Variants in RIN3 observed in about 807,000 individuals in gnomAD.
The protein encoded by RIN3 is Ras and Rab interactor 3.
Under a neutral mutation model 76.3 loss-of-function variants are expected in RIN3, and 54 were observed. That is an observed-to-expected ratio of 0.71 (90% CI 0.57 to 0.89). The LOEUF (loss-of-function observed/expected upper bound fraction) is 0.89, where lower values mean the gene tolerates loss of function less well. RIN3 is among the 40% of genes least tolerant of loss of function. RIN3 has a pLI of 0.00. For missense variants in RIN3, 1,256 were observed against 1,322.1 expected (o/e 0.95, Z 0.78); for synonymous variants, 576 against 564.0 (o/e 1.02, Z -0.30).
chr14:92,610,215 C>T (rs565774562), intron 3 of RIN3, among the ~76,000 whole-genome samples: 1 of 151,994 alleles, frequency 6.6e-6, no homozygotes, highest in Non-Finnish European at 1.5e-5. Flanking sequence ...CTGAACTGTA[C>T]ACTTAAAAAT....
At chr14:92,576,202 G>A (rs1313248035) in intron 2 of RIN3, 5 of 1,247,300 alleles carry the variant, frequency 4.0e-6, no homozygotes, top group African/African-American at 1.5e-5. Context: ...AAGGAGGGAT[G>A]AGCTTGCTGA....
intron 2 of RIN3, among the ~76,000 whole-genome samples, chr14:92,575,457 A>G (rs1010408243): frequency 3.9e-5 from 6 of 152,190 alleles, no homozygotes; most frequent in Non-Finnish European, 8.8e-5. Flanking sequence ...ATCCTGGTAC[A>G]CTGTCTCATA....
intron 8 of RIN3, among the ~76,000 whole-genome samples, chr14:92,684,321 A>G (rs1305654595): frequency 6.8e-6 from 1 of 147,932 alleles, no homozygotes; most frequent in Non-Finnish European, 1.5e-5. Context: ...TGCAGGTTGC[A>G]GTGAGCCGAG....
At chr14:92,653,613 GCCCC>G (rs1887554572) in intron 6 of RIN3, among the ~76,000 whole-genome samples, 1 of 152,138 alleles carries the variant, frequency 6.6e-6, no homozygotes, top group Non-Finnish European at 1.5e-5. Context: ...TTCTAAAGTA[GCCCC>G]TAGCCTTCCC....
intron 7 of RIN3, among the ~76,000 whole-genome samples, chr14:92,666,321 A>G (rs1391809778): frequency 6.6e-6 from 1 of 152,224 alleles, no homozygotes; most frequent in East Asian, 1.9e-4. Context: ...ATGGAGACAC[A>G]AGATCTGGGT....
chr14:92,676,583 ACCCC>A lies in RIN3; in HGVS notation c.2445_2448del (p.Asp815GlufsTer12). The A allele has an allele frequency of 6.2e-7, 1 of 1,613,512 alleles. No homozygotes were observed. ...GTGGAGTACATGATGGAGCTCATGGACCCCGCCCTGCAGCTGGGGGAGGGTGAGT... is the reference window on the plus strand; with the variant it reads ...GTGGAGTACATGATGGAGCTCATGGAGCCCTGCAGCTGGGGGAGGGTGAGT... On this transcript the variant is annotated frameshift_variant, in exon 8 of 10. Transcript: ENST00000216487. LOFTEE classifies it high-confidence loss of function.
At chr14:92,575,052 G>T (rs1898180316) in intron 2 of RIN3, among the ~76,000 whole-genome samples, 1 of 152,192 alleles carries the variant, frequency 6.6e-6, no homozygotes, top group African/African-American at 2.4e-5. Context: ...AGAATTAAGT[G>T]AGATCATAGA....
intron 8 of RIN3, among the ~76,000 whole-genome samples, chr14:92,682,451 C>T (rs1444243118): frequency 1.3e-5 from 2 of 152,214 alleles, no homozygotes; most frequent in African/African-American, 2.4e-5. Context: ...GAAGTCCAGG[C>T]GAAGCACCTA....
At chr14:92,687,514 G>C in intron 9 of RIN3, 1 of 200,758 alleles carries the variant, frequency 5.0e-6, no homozygotes, top group Non-Finnish European at 1.0e-5. Context: ...ACTATGGGAT[G>C]CCCGGGCGGG....
intron 8 of RIN3, among the ~76,000 whole-genome samples, chr14:92,676,956 A>T (rs918545557): frequency 3.3e-5 from 5 of 152,064 alleles, no homozygotes; most frequent in African/African-American, 1.2e-4. Context: ...GAGCCAGCTG[A>T]TTAAAAAAAA....
At position 92,605,922 on chromosome 14, in the gene RIN3, A is replaced by G. The variant is rs139498572; in HGVS notation, c.368-9485A>G. 3.7e-3 allele frequency among the ~76,000 whole-genome samples: 561 copies of G among 152,352 alleles called. 10 individuals are homozygous for G. Among genetic ancestry groups the G allele is most frequent in the East Asian group, 2.1e-3 (11 of 5,192 alleles). ...TGGGAATGGCCCTATTGAATCATTTATGTAACACCCATTATGTGCCTACTA... is the reference window on the plus strand; with the variant it reads ...TGGGAATGGCCCTATTGAATCATTTGTGTAACACCCATTATGTGCCTACTA... On this transcript the variant is annotated intron_variant, in intron 3 of 9. Transcript: ENST00000216487.
In RIN3 at chr14:92,611,290, CCTT is replaced by C. The variant is rs539783457; in HGVS notation, c.368-4113_368-4111del. ...GTCTGTGTCCCATGCCCTCACATGA[CCTT>C]CTTTTTTTTTGGAGACAGAGTCTCG... On this transcript the variant is annotated intron_variant, in intron 3 of 9. Transcript: ENST00000216487. Among the ~76,000 whole-genome samples, 50 of 112,078 alleles carry C rather than the reference CCTT, an allele frequency of 4.5e-4. 1 individual carries two copies. Among genetic ancestry groups the C allele is most frequent in the Admixed American group, 2.9e-3 (27 of 9,456 alleles). 73.5% of individuals were successfully genotyped at this position (112,078 alleles called of 152,430 possible).
rs192042254 is a variant in RIN3 at position 92,545,992 on chromosome 14, C to T, written c.45-9759C>T. Reference sequence around the variant, plus strand: ...CCAGGCCGGAGTGCAGTGGCATGATCTCGGCTCACTGCAACCTCTGCTTCC... The same window carrying T: ...CCAGGCCGGAGTGCAGTGGCATGATTTCGGCTCACTGCAACCTCTGCTTCC... On this transcript the variant is annotated intron_variant, in intron 1 of 9. Coordinates refer to ENST00000216487, the MANE Select transcript of RIN3 (RefSeq NM_024832.5). Among the ~76,000 whole-genome samples the T allele has an allele frequency of 2.6e-5, 4 of 151,552 alleles. No homozygotes were observed. In the East Asian group the frequency reaches 7.8e-4, roughly 29 times the overall value.
In RIN3 at chr14:92,656,895, A is replaced by G. The variant is rs1042828859; in HGVS notation, c.2027-2266A>G. ...TGTCATGCCCAAGAAGCCACAGCTC[A>G]GAGAGGTTTGGTGACCTGGCCATGA... On this transcript the variant is annotated intron_variant, in intron 6 of 9. Coordinates refer to ENST00000216487, the MANE Select transcript of RIN3 (RefSeq NM_024832.5). This position sits in a 1 kb window ranked among gnomAD's most constrained non-coding sequence, Gnocchi z 5.2. Among the ~76,000 whole-genome samples the G allele has an allele frequency of 1.3e-5, 2 of 152,230 alleles. No individual in the cohort carries two copies. Among genetic ancestry groups the G allele is most frequent in the Non-Finnish European group, 2.9e-5 (2 of 68,044 alleles).
intron 3 of RIN3, among the ~76,000 whole-genome samples, chr14:92,614,402 G>A (rs1471969025): frequency 1.3e-5 from 2 of 152,176 alleles, no homozygotes; most frequent in Admixed American, 6.5e-5. Context: ...TGCTTGGGAT[G>A]ACTGTGATCT....
At chr14:92,632,117 G>A (rs754464121) in intron 4 of RIN3, among the ~76,000 whole-genome samples, 8 of 152,084 alleles carry the variant, frequency 5.3e-5, no homozygotes, top group East Asian at 1.9e-4. Context: ...TGGTCCTGTC[G>A]GCAGCTCTGG....
At chr14:92,661,758 C>CACACACACACACACACAAAA (rs373869994) in intron 7 of RIN3, among the ~76,000 whole-genome samples, 2 of 133,238 alleles carry the variant, frequency 1.5e-5, no homozygotes, top group Non-Finnish European at 1.5e-5. Context: ...CACACACACA[C>CACACACACACACACACAAAA]AAAAAATAGA....
At chr14:92,531,862 C>G (rs146750997) in intron 1 of RIN3, among the ~76,000 whole-genome samples, 42 of 151,886 alleles carry the variant, frequency 2.8e-4, no homozygotes, top group Middle Eastern at 3.4e-3. Flanking sequence ...CTCTCGCCCC[C>G]CTAGTTATTT....
At chr14:92,558,419 T>C (rs1165540509) in intron 2 of RIN3, among the ~76,000 whole-genome samples, 1 of 152,190 alleles carries the variant, frequency 6.6e-6, no homozygotes, top group African/African-American at 2.4e-5. Flanking sequence ...TGGAGAATGC[T>C]TAGTAATTCC....
Sources: allele counts gnomAD v4.1 joint callset (sites outside exome capture counted in the v4.1 genomes callset), GRCh38; gene constraint gnomAD v4.1.1; non-coding constraint Gnocchi (gnomAD v3.1); transcripts MANE v1.5; gene names NCBI Gene and HGNC (gene_info 2026-07-23, HGNC 2026-07-21).